Variants in SMTNL2 observed in about 807,000 individuals in gnomAD.
The protein encoded by SMTNL2 is smoothelin like 2.
In SMTNL2, 43 loss-of-function variants were observed where a neutral mutation model predicts 44.1. The observed-to-expected ratio is 0.98, with a 90% CI of 0.76 to 1.26. The LOEUF (loss-of-function observed/expected upper bound fraction) is 1.26. Among genes scored for constraint, SMTNL2 ranks in the 50% most tolerant of loss-of-function variants. The pLI, the probability that SMTNL2 is intolerant of heterozygous loss-of-function variation, is 0.00. For missense variants in SMTNL2, 646 were observed against 670.2 expected (o/e 0.96, Z 0.40); for synonymous variants, 317 against 287.6 (o/e 1.10, Z -1.03).
chr17:4,593,266 G>A (rs1360333946), intron 3 of SMTNL2, 95 bp downstream of exon 3: 11 of 1,467,654 alleles, frequency 7.5e-6, no homozygotes, highest in Admixed American at 2.4e-5. Flanking sequence ...GGGTGACATG[G>A]AAAACGAGGG....
rs756168695 is a variant in SMTNL2 at position 4,584,979 on chromosome 17, C to T, written c.374C>T (p.Thr125Ile). The change falls in exon 1 of 8, where the codon ACC becomes ATC. Residue 125 changes from threonine (T) to isoleucine (I), a missense_variant. Transcript: ENST00000389313. The part of the protein sequence containing the change: ...LGSARFASHA[T>I]FSLSGRGQSL... ...AGCGCACGCTTCGCCAGCCACGCCA[C>T]CTTCTCGCTGTCCGGCCGCGGCCAG... 2 of 1,376,736 alleles carry T rather than the reference C, an allele frequency of 1.5e-6. No homozygotes were observed. Among genetic ancestry groups the T allele is most frequent in the South Asian group, 1.6e-5 (1 of 62,082 alleles). The allele number at this position is 1,376,736 out of a possible 1,614,324, so 85.3% of individuals were successfully genotyped here.
rs201336244 is a variant in SMTNL2 at position 4,592,810 on chromosome 17, G to A, written c.488-119G>A. 2.1e-5 allele frequency: 29 copies of A among 1,377,268 alleles called. No individual in the cohort carries two copies. In the East Asian group the frequency reaches 6.8e-4, roughly 32 times the overall value. 85.3% of individuals were successfully genotyped at this position (1,377,268 alleles called of 1,614,324 possible). A position where few individuals can be genotyped will look rare whatever the true frequency, so the allele number is the denominator to read the frequency against. The stretch of plus-strand genomic sequence containing the variant: ...AGGTCAGAGAGGCTGGAGCAGTCAG[G>A]GAGGCCTTCCTAGAGGAGGTGGGAG... On this transcript the variant is annotated intron_variant, in intron 2 of 7. Coordinates refer to ENST00000389313, the MANE Select transcript of SMTNL2 (RefSeq NM_001114974.2). The surrounding 1 kb of genome is among the most constrained non-coding windows in gnomAD (Gnocchi z 4.5).
chr17:4,604,033 C>T lies in SMTNL2; in HGVS notation c.1260-3328C>T, dbSNP rs189311917. 6.5e-4 allele frequency among the ~76,000 whole-genome samples: 99 copies of T among 152,054 alleles called. 2 individuals are homozygous for T. The East Asian group carries it at 0.016, about 24-fold the overall frequency. On this transcript the variant is annotated intron_variant, in intron 7 of 7. Transcript: ENST00000389313. ...CTAATTTTTGTATTTTTAGTAGAGACGGGGTTTCACCATGTTAGCCAGGAT... is the reference window on the plus strand; with the variant it reads ...CTAATTTTTGTATTTTTAGTAGAGATGGGGTTTCACCATGTTAGCCAGGAT...
At chr17:4,601,414 CA>C (rs11418037) in intron 7 of SMTNL2, among the ~76,000 whole-genome samples, 2 of 148,992 alleles carry the variant, frequency 1.3e-5, no homozygotes, top group Admixed American at 6.7e-5. Context: ...GACCTCATCT[CA>C]AAAAAAAAAA....
At chr17:4,599,062 C>A (rs941110048) in intron 7 of SMTNL2, among the ~76,000 whole-genome samples, 1 of 152,196 alleles carries the variant, frequency 6.6e-6, no homozygotes, top group South Asian at 2.1e-4. Context: ...GAGATAGCTG[C>A]CCCTCTCTGG....
At position 4,592,508 on chromosome 17, in the gene SMTNL2, G is replaced by A; in HGVS notation, c.487+60G>A. The A allele has an allele frequency of 6.6e-7, 1 of 1,513,394 alleles. No homozygotes were observed. Among genetic ancestry groups the A allele is most frequent in the Non-Finnish European group, 9.0e-7 (1 of 1,108,794 alleles). The allele number at this position is 1,513,394 out of a possible 1,614,324, so 93.7% of individuals were successfully genotyped here. On this transcript the variant is annotated intron_variant, in intron 2 of 7. Transcript: ENST00000389313. The surrounding 1 kb of genome is among the most constrained non-coding windows in gnomAD (Gnocchi z 4.5). ...GGTTTGGGGGTTAAGTAAGGCCTTG[G>A]TCAGGTATCTGTGCCAGGCTGGCCC...
intron 1 of SMTNL2, among the ~76,000 whole-genome samples, chr17:4,589,907 T>A (rs1909499129): frequency 7.3e-6 from 1 of 137,928 alleles, no homozygotes; most frequent in Non-Finnish European, 1.6e-5. Context: ...CACCTTTTCC[T>A]CAACCCCAGG....
At chr17:4,589,150 T>G (rs1369854900) in intron 1 of SMTNL2, among the ~76,000 whole-genome samples, 1 of 152,134 alleles carries the variant, frequency 6.6e-6, no homozygotes, top group Non-Finnish European at 1.5e-5. Flanking sequence ...TAGAACTTAC[T>G]CCCAGTCTGG....
At chr17:4,588,332 C>T (rs1272634343) in intron 1 of SMTNL2, among the ~76,000 whole-genome samples, 1 of 152,226 alleles carries the variant, frequency 6.6e-6, no homozygotes, top group Non-Finnish European at 1.5e-5. Flanking sequence ...AGACTTACCT[C>T]ATCACCCTTC....
intron 7 of SMTNL2, among the ~76,000 whole-genome samples, chr17:4,602,994 G>A (rs545610044): frequency 2.6e-5 from 4 of 152,188 alleles, no homozygotes; most frequent in Non-Finnish European, 2.9e-5. Context: ...TGGGGAAGCC[G>A]GCGATCTGGA....
intron 7 of SMTNL2, among the ~76,000 whole-genome samples, chr17:4,601,194 G>A (rs1910015416): frequency 6.6e-6 from 1 of 152,216 alleles, no homozygotes; most frequent in African/African-American, 2.4e-5. Flanking sequence ...CAGGTGGATT[G>A]CTTGAGCTTA....
chr17:4,584,795 C>G lies in SMTNL2; in HGVS notation c.190C>G (p.Gln64Glu). 7.6e-7 allele frequency: 1 copy of G among 1,323,660 alleles called. No individual in the cohort carries two copies. The highest frequency in any genetic ancestry group is 9.6e-7 in the Non-Finnish European group (1 of 1,039,626). The allele number at this position is 1,323,660 out of a possible 1,614,324, so 82.0% of individuals were successfully genotyped here. Residue 64 changes from glutamine to glutamate, a missense_variant, in exon 1 of 8, where the codon CAG (glutamine) becomes GAG (glutamate). By Grantham distance (29) the Gln-to-Glu change is conservative (BLOSUM62 2). Coordinates refer to ENST00000389313, the MANE Select transcript of SMTNL2 (RefSeq NM_001114974.2). ...GPLARTVADL[Q>E]RDNQRLQAQL... ...CCTGGCGCGCACGGTGGCCGACCTGCAGCGGGACAACCAGCGGCTGCAGGC... is the reference window on the plus strand; with the variant it reads ...CCTGGCGCGCACGGTGGCCGACCTGGAGCGGGACAACCAGCGGCTGCAGGC...
Position 4,592,217 on chromosome 17 carries a change from C to T in SMTNL2, c.400-144C>T. ...CCCAGCTTTTGCTGTGTGACTTGGC[C>T]CGTCACTTTCTTCCTGGGGGCTGTT... On this transcript the variant is annotated intron_variant, in intron 1 of 7. Coordinates refer to ENST00000389313, the MANE Select transcript of SMTNL2 (RefSeq NM_001114974.2). This position sits in a 1 kb window ranked among gnomAD's most constrained non-coding sequence, Gnocchi z 4.5. 3.9e-6 allele frequency: 3 copies of T among 764,868 alleles called. No homozygotes were observed. The highest frequency in any genetic ancestry group is 6.5e-6 in the Non-Finnish European group (3 of 459,070). 47.4% of individuals were successfully genotyped at this position (764,868 alleles called of 1,614,324 possible).
chr17:4,595,761 C>T lies in SMTNL2; in HGVS notation c.989+434C>T, dbSNP rs1390436694. Among the ~76,000 whole-genome samples the T allele has an allele frequency of 4.6e-5, 7 of 152,214 alleles. No homozygotes were observed. Among genetic ancestry groups the T allele is most frequent in the African/African-American group, 1.7e-4 (7 of 41,454 alleles). On this transcript the variant is annotated intron_variant, in intron 5 of 7. Coordinates refer to ENST00000389313, the MANE Select transcript of SMTNL2 (RefSeq NM_001114974.2). The surrounding 1 kb of genome is among the most constrained non-coding windows in gnomAD (Gnocchi z 5.1). ...CATGGGGTTGGTCTTGCCCAAGGAC[C>T]GAAGGTGATGCCACGGGGCCGAGTG...
chr17:4,584,767 C>T lies in SMTNL2; in HGVS notation c.162C>T (p.Gly54=). The change falls in exon 1 of 8, where the codon GGC becomes GGT. Residue 54 remains glycine, a synonymous_variant. Transcript: ENST00000389313. ...RRVAEAMRLA[G]PLARTVADLQ... Reference sequence around the variant, plus strand: ...TGGCAGAGGCGATGCGCCTGGCCGGCCCCCTGGCGCGCACGGTGGCCGACC... The same window carrying T: ...TGGCAGAGGCGATGCGCCTGGCCGGTCCCCTGGCGCGCACGGTGGCCGACC... 3 of 1,306,266 alleles carry T rather than the reference C, an allele frequency of 2.3e-6. No homozygotes were observed. The highest frequency in any genetic ancestry group is 4.2e-5 in the South Asian group (2 of 47,782). 80.9% of individuals were successfully genotyped at this position (1,306,266 alleles called of 1,614,324 possible). A position where few individuals can be genotyped will look rare whatever the true frequency, so the allele number is the denominator to read the frequency against.
chr17:4,589,159 G>A (rs997376991), intron 1 of SMTNL2, among the ~76,000 whole-genome samples: 2 of 152,160 alleles, frequency 1.3e-5, no homozygotes, highest in African/African-American at 4.8e-5. Flanking sequence ...CTCCCAGTCT[G>A]GTGTAGCGCC....
rs1909778694 is a variant in SMTNL2, at chr17:4,595,683, T to C, written c.989+356T>C. ...TTGTGGCTCCTCTGGTTTCTGGGCA[T>C]GACCGGGGACTGGATGGGGACTGGG... On this transcript the variant is annotated intron_variant, in intron 5 of 7. Transcript: ENST00000389313. The surrounding 1 kb of genome is among the most constrained non-coding windows in gnomAD (Gnocchi z 5.1). Among the ~76,000 whole-genome samples the C allele has an allele frequency of 6.6e-6, 1 of 152,192 alleles. No individual in the cohort carries two copies. The highest frequency in any genetic ancestry group is 1.5e-5 in the Non-Finnish European group (1 of 68,016).
At chr17:4,593,328 A>C (rs904563924) in intron 3 of SMTNL2, among the ~76,000 whole-genome samples, 157 bp downstream of exon 3, 1 of 152,236 alleles carries the variant, frequency 6.6e-6, no homozygotes, top group Non-Finnish European at 1.5e-5. Flanking sequence ...CCCTTAGCCC[A>C]TCCTCCCGGG....
chr17:4,604,449 CG>C (rs1910183161), intron 7 of SMTNL2, among the ~76,000 whole-genome samples: 1 of 152,170 alleles, frequency 6.6e-6, no homozygotes, highest in East Asian at 1.9e-4. Context: ...GCAGGGCCTG[CG>C]GGTAATGTTA....
Sources: allele counts gnomAD v4.1 joint callset (sites outside exome capture counted in the v4.1 genomes callset), GRCh38; gene constraint gnomAD v4.1.1; non-coding constraint Gnocchi (gnomAD v3.1); transcripts MANE v1.5; gene names NCBI Gene and HGNC (gene_info 2026-07-23, HGNC 2026-07-21).